The following KLHL40 variants were observed in gnomAD, a reference collection of about 807,000 sequenced individuals.
The protein encoded by KLHL40 is kelch-like protein 40.
A neutral mutation model predicts 49.7 loss-of-function variants in KLHL40; 44 were observed. The observed-to-expected ratio is 0.89, with a 90% CI of 0.70 to 1.14. KLHL40 has a LOEUF of 1.14. Ranked by LOEUF, KLHL40 falls within the 50% of genes most tolerant of loss-of-function variation. The pLI, the probability that KLHL40 is intolerant of heterozygous loss-of-function variation, is 0.00. For missense variants in KLHL40, 892 were observed against 850.3 expected (o/e 1.05, Z -0.61); for synonymous variants, 409 against 365.2 (o/e 1.12, Z -1.37).
At chr3:42,691,223 C>T (rs1295891486) in intron 5 of KLHL40, among the ~76,000 whole-genome samples, 2 of 152,130 alleles carry the variant, frequency 1.3e-5, no homozygotes, top group Non-Finnish European at 2.9e-5. Flanking sequence ...ACACCATGCC[C>T]CACTGTGGAG....
chr3:42,686,409 G>A lies in KLHL40; in HGVS notation c.791G>A (p.Arg264His), dbSNP rs780898416. 1 of 1,613,668 alleles carries A rather than the reference G, an allele frequency of 6.2e-7. No individual in the cohort carries two copies. Among genetic ancestry groups the A allele is most frequent in the South Asian group, 1.1e-5 (1 of 91,084 alleles). ...VQMVKDAHEGRITTLRKKKKG... is the reference protein window; with the variant it reads ...VQMVKDAHEGHITTLRKKKKG... The stretch of plus-strand genomic sequence containing the variant: ...ATGGTGAAGGATGCACACGAGGGCC[G>A]CATCACCACGCTGCGGAAGAAAAAG... Residue 264 changes from arginine (R) to histidine (H), a missense_variant, in exon 1 of 6, where the codon CGC becomes CAC. Physicochemically the swap from Arg to His is conservative, Grantham distance 29. Coordinates refer to ENST00000287777, the MANE Select transcript of KLHL40 (RefSeq NM_152393.4).
At position 42,685,876 on chromosome 3, in the gene KLHL40, G is replaced by A. The variant is rs1381078022; in HGVS notation, c.258G>A (p.Leu86=). 6 of 1,612,638 alleles carry A rather than the reference G, an allele frequency of 3.7e-6. No homozygotes were observed. The highest frequency in any genetic ancestry group is 5.1e-6 in the Non-Finnish European group (6 of 1,179,988). Residue 86 remains leucine, a synonymous_variant, in exon 1 of 6, where the codon CTG becomes CTA. Coordinates refer to ENST00000287777, the MANE Select transcript of KLHL40 (RefSeq NM_152393.4). The part of the protein sequence containing the change: ...EVSPDVVAQV[L]HYLYTSEIAL... ...CCCCGGACGTGGTGGCCCAGGTGCT[G>A]CACTACCTGTACACATCAGAGATCG...
intron 4 of KLHL40, among the ~76,000 whole-genome samples, chr3:42,690,084 G>A (rs1000585282): frequency 1.3e-5 from 2 of 152,162 alleles, no homozygotes; most frequent in African/African-American, 4.8e-5. Flanking sequence ...ATGTGGACTT[G>A]AAGTACCTGG....
In KLHL40 at chr3:42,692,022, C is replaced by G. The variant is rs200889419; in HGVS notation, c.*29C>G. 8 of 1,353,822 alleles carry G rather than the reference C, an allele frequency of 5.9e-6. No individual in the cohort carries two copies. The African/African-American group carries it at 1.1e-4, about 19-fold the overall frequency. 83.9% of individuals were successfully genotyped at this position (1,353,822 alleles called of 1,614,324 possible). A position where few individuals can be genotyped will look rare whatever the true frequency, so the allele number is the denominator to read the frequency against. The stretch of plus-strand genomic sequence containing the variant: ...GCTCAGGCAGACTGAACTAAGCACC[C>G]CTCCCATCCTGCGACCCTCACTGGC... On this transcript the variant is annotated 3_prime_UTR_variant, in exon 6 of 6. Transcript: ENST00000287777.
In KLHL40 at chr3:42,688,110, G is replaced by A. The variant is rs112013182; in HGVS notation, c.1153-32G>A. On this transcript the variant is annotated intron_variant, in intron 1 of 5. Transcript: ENST00000287777. The surrounding 1 kb of genome is among the most constrained non-coding windows in gnomAD (Gnocchi z 4.2). ...GCTGGGCTGAGGCTGGGGGAGTGGG[G>A]GGCGGTAGCTGACTGGACACCTGGC... The A allele has an allele frequency of 5.4e-5, 87 of 1,613,410 alleles. 2 individuals are homozygous for A. In the African/African-American group the frequency reaches 8.9e-4, roughly 17 times the overall value.
At position 42,686,728 on chromosome 3, in the gene KLHL40, C is replaced by A. The variant is rs201966674; in HGVS notation, c.1110C>A (p.Asn370Lys). 6 of 1,613,106 alleles carry A rather than the reference C, an allele frequency of 3.7e-6. No individual in the cohort carries two copies. In the African/African-American group the frequency reaches 6.7e-5, roughly 18 times the overall value. The stretch of plus-strand genomic sequence containing the variant: ...TCGTGGCTGGAGGCCTCTTCTACAA[C>A]GAAGACAACAAAGAGGACCCCATGA... ...QVFVAGGLFY[N>K]EDNKEDPMSA... Residue 370 changes from asparagine to lysine, a missense_variant, in exon 1 of 6, where the codon AAC becomes AAA. Asn to Lys is a moderately conservative substitution (Grantham distance 94). Transcript: ENST00000287777.
chr3:42,689,046 A>G lies in KLHL40; in HGVS notation c.1599A>G (p.Thr533=), dbSNP rs752668720. 6 of 1,611,170 alleles carry G rather than the reference A, an allele frequency of 3.7e-6. No homozygotes were observed. Among genetic ancestry groups the G allele is most frequent in the South Asian group, 2.2e-5 (2 of 90,892 alleles). The change falls in exon 4 of 6, where the codon ACA becomes ACG. Residue 533 remains threonine (T), a synonymous_variant. Transcript: ENST00000287777. Reference sequence around the variant, plus strand: ...GTTCTGCCGAAGTGTACAGCATCACAGACAACAAGTATGAAAGCTTGTCCC... The same window carrying G: ...GTTCTGCCGAAGTGTACAGCATCACGGACAACAAGTATGAAAGCTTGTCCC... ...LTSSAEVYSI[T]DNKWAPFEAF... is the part of the protein sequence containing the mutation.
In KLHL40 at chr3:42,686,606, G is replaced by T. The variant is rs1439774487; in HGVS notation, c.988G>T (p.Ala330Ser). The T allele has an allele frequency of 3.1e-6, 5 of 1,613,932 alleles. No individual in the cohort carries two copies. In the African/African-American group the frequency reaches 5.3e-5, roughly 17 times the overall value. The change falls in exon 1 of 6, where the codon GCC becomes TCC. Residue 330 changes from alanine (A) to serine (S), a missense_variant. Transcript: ENST00000287777. ...IFMISEEGAV[A>S]YDPAANECYC... ...CATGATCAGTGAGGAGGGCGCTGTG[G>T]CCTACGATCCAGCAGCCAACGAGTG...
Position 42,691,113 on chromosome 3 carries a change from G to A in KLHL40, c.1754+108G>A, listed in dbSNP as rs1022767142. On this transcript the variant is annotated intron_variant, in intron 5 of 5. Transcript: ENST00000287777. Reference sequence around the variant, plus strand: ...GGGCAAGCTCCTCTGGGGGCAAAGCGGATCCCTCTTCTAGGGAGTCCTGTA... The same window carrying A: ...GGGCAAGCTCCTCTGGGGGCAAAGCAGATCCCTCTTCTAGGGAGTCCTGTA... 3.5e-5 allele frequency: 41 copies of A among 1,155,288 alleles called. No individual in the cohort carries two copies. In the East Asian group the frequency reaches 4.3e-4, roughly 12 times the overall value. The allele number at this position is 1,155,288 out of a possible 1,614,324, so 71.6% of individuals were successfully genotyped here.
At position 42,690,715 on chromosome 3, in the gene KLHL40, G is replaced by A. The variant is rs111756165; in HGVS notation, c.1608-144G>A. The A allele has an allele frequency of 1.1e-3, 813 of 752,484 alleles. 3 individuals carry two copies. The African/African-American group carries it at 0.012, about 11-fold the overall frequency. 46.6% of individuals were successfully genotyped at this position (752,484 alleles called of 1,614,324 possible). ...GAAGGAAGGGAAGACCAGAGGGACA[G>A]GGAAGGGGAATGGGGTTGGGGGCAT... On this transcript the variant is annotated intron_variant, in intron 4 of 5. Transcript: ENST00000287777.
chr3:42,686,791 G>A (rs367776499), intron 1 of KLHL40, 21 bp downstream of exon 1: 121 of 1,583,140 alleles, frequency 7.6e-5, no homozygotes, highest in Non-Finnish European at 9.9e-5. Context: ...AGCCTTGGGA[G>A]CCGCCAGCTA....
At chr3:42,689,851 G>GT (rs1005056723) in intron 4 of KLHL40, among the ~76,000 whole-genome samples, 6 of 152,174 alleles carry the variant, frequency 3.9e-5, no homozygotes, top group Non-Finnish European at 5.9e-5. Flanking sequence ...CTGAAAGCCT[G>GT]TAAGTCTGCA....
chr3:42,690,374 T>C (rs908235389), intron 4 of KLHL40, among the ~76,000 whole-genome samples: 2 of 152,120 alleles, frequency 1.3e-5, no homozygotes, highest in Admixed American at 1.3e-4. Context: ...AAGGTCAGTT[T>C]TGGAGGATGG....
In KLHL40 at chr3:42,688,359, G is replaced by C; in HGVS notation, c.1313+57G>C. ...TGGGGGTGAGTGGGGCATGGAGGCC[G>C]CAGCTGGTCTAGGGCCTGGGGTGGG... On this transcript the variant is annotated intron_variant, in intron 2 of 5. Coordinates refer to ENST00000287777, the MANE Select transcript of KLHL40 (RefSeq NM_152393.4). This position sits in a 1 kb window ranked among gnomAD's most constrained non-coding sequence, Gnocchi z 4.2. 1.3e-6 allele frequency: 2 copies of C among 1,570,008 alleles called. No homozygotes were observed. Among genetic ancestry groups the C allele is most frequent in the Non-Finnish European group, 1.8e-6 (2 of 1,142,026 alleles).
Position 42,688,739 on chromosome 3 carries a change from G to A in KLHL40, c.1421+22G>A. The A allele has an allele frequency of 1.9e-6, 3 of 1,601,522 alleles. No individual in the cohort carries two copies. The highest frequency in any genetic ancestry group is 2.6e-6 in the Non-Finnish European group (3 of 1,168,600). On this transcript the variant is annotated intron_variant, in intron 3 of 5. Transcript: ENST00000287777. The surrounding 1 kb of genome is among the most constrained non-coding windows in gnomAD (Gnocchi z 4.2). ...ACAGGTGAGGCTGGGCCTGGAGTGAGTCTGTGGAGCAGAGGTAGAATCTCC... is the reference window on the plus strand; with the variant it reads ...ACAGGTGAGGCTGGGCCTGGAGTGAATCTGTGGAGCAGAGGTAGAATCTCC...
At position 42,685,743 on chromosome 3, in the gene KLHL40, G is replaced by T. The variant is rs907216548; in HGVS notation, c.125G>T (p.Arg42Leu). 2 of 1,612,786 alleles carry T rather than the reference G, an allele frequency of 1.2e-6. No homozygotes were observed. Among genetic ancestry groups the T allele is most frequent in the Non-Finnish European group, 1.7e-6 (2 of 1,179,756 alleles). The stretch of plus-strand genomic sequence containing the variant: ...GACTGTGTGGTGCGGGCGGGCGAGC[G>T]CGAGTTCCCGTGCCATCGCCTGGTG... ...FLDCVVRAGE[R>L]EFPCHRLVLA... Residue 42 changes from arginine to leucine, a missense_variant, in exon 1 of 6, where the codon CGC becomes CTC. Transcript: ENST00000287777.
At chr3:42,691,832 C>A in intron 5 of KLHL40, 50 bp from the exon 6 acceptor site, 2 of 1,216,966 alleles carry the variant, frequency 1.6e-6, no homozygotes, top group Non-Finnish European at 2.4e-6. Flanking sequence ...CCACTCTGGA[C>A]TCAGCTGACC....
intron 4 of KLHL40, among the ~76,000 whole-genome samples, chr3:42,690,048 A>G (rs1188056457): frequency 1.3e-5 from 2 of 152,124 alleles, no homozygotes; most frequent in Admixed American, 1.3e-4. Context: ...GGGATTGGGT[A>G]GGGAAAGTGA....
At position 42,686,507 on chromosome 3, in the gene KLHL40, G is replaced by C; in HGVS notation, c.889G>C (p.Glu297Gln). The change falls in exon 1 of 6, where the codon GAG becomes CAG. Residue 297 changes from glutamate (E) to glutamine (Q), a missense_variant. Coordinates refer to ENST00000287777, the MANE Select transcript of KLHL40 (RefSeq NM_152393.4). The stretch of plus-strand genomic sequence containing the variant: ...CAAAGCCAAAGCAGAGGAGGATGAG[G>C]AGGCCGAACGTATCCTTCCTGGGAT... The part of the protein sequence containing the change: ...TSKAKAEEDE[E>Q]AERILPGILN... 2 of 1,614,190 alleles carry C rather than the reference G, an allele frequency of 1.2e-6. No homozygotes were observed. The highest frequency in any genetic ancestry group is 1.7e-6 in the Non-Finnish European group (2 of 1,180,028).
Sources: gnomAD v4.1 joint callset for allele counts (sites outside exome capture counted in the v4.1 genomes callset) on GRCh38, gnomAD v4.1.1 for gene constraint, Gnocchi (gnomAD v3.1) non-coding constraint, MANE v1.5 for transcripts, NCBI Gene and HGNC (gene_info 2026-07-23, HGNC 2026-07-21) for gene names.